Variants in SPAG9 observed in about 807,000 individuals in gnomAD.
SPAG9 encodes sperm associated antigen 9, also known as C-Jun-amino-terminal kinase-interacting protein 4.
In SPAG9, 35 loss-of-function variants were observed where a neutral mutation model predicts 166.5. The ratio of observed to expected loss-of-function variants is 0.21; its 90% confidence interval spans 0.16 to 0.28. The LOEUF is 0.28. Ranked by LOEUF, SPAG9 falls within the 10% of genes least tolerant of loss-of-function variation. The pLI, the probability that SPAG9 is intolerant of heterozygous loss-of-function variation, is 1.00. For synonymous variants in SPAG9, 534 were observed against 565.5 expected, an observed-to-expected ratio of 0.94 and a Z score of 0.79; for missense variants, 1,235 against 1,603.3, an observed-to-expected ratio of 0.77 and a Z score of 3.92.
At chr17:51,059,069 A>T (rs1215239316) in intron 2 of SPAG9, among the ~76,000 whole-genome samples, 2 of 152,230 alleles carry the variant, frequency 1.3e-5, no homozygotes, top group African/African-American at 4.8e-5. Context: ...GTGAATAAAC[A>T]AATTATTGCC....
intron 2 of SPAG9, among the ~76,000 whole-genome samples, chr17:51,076,108 A>T (rs1200043868): frequency 6.6e-6 from 1 of 151,904 alleles, no homozygotes; most frequent in South Asian, 2.1e-4. Flanking sequence ...AAAAAGGAAA[A>T]GAAAAAAGAA....
chr17:50,978,913 C>T (rs1485089633), intron 26 of SPAG9, among the ~76,000 whole-genome samples: 2 of 152,044 alleles, frequency 1.3e-5, no homozygotes, highest in Non-Finnish European at 2.9e-5. Flanking sequence ...ACTGGGGTGG[C>T]AACAGGGAGC....
intron 14 of SPAG9, 64 bp from the exon 15 acceptor site, chr17:50,998,681 A>G: frequency 1.3e-6 from 2 of 1,490,110 alleles, no homozygotes; most frequent in Non-Finnish European, 1.8e-6. Context: ...GATTTTCCAC[A>G]AACTTTAATG....
chr17:51,088,330 T>C (rs1233885767), intron 1 of SPAG9, among the ~76,000 whole-genome samples: 2 of 152,232 alleles, frequency 1.3e-5, no homozygotes, highest in Non-Finnish European at 2.9e-5. Flanking sequence ...ATAGGACTTA[T>C]TCTTAGATAA....
At chr17:51,004,290 T>C (rs2045098774) in intron 12 of SPAG9, among the ~76,000 whole-genome samples, 1 of 152,200 alleles carries the variant, frequency 6.6e-6, no homozygotes, top group South Asian at 2.1e-4. Context: ...TGTTAATTTA[T>C]TATGATTCAT....
At chr17:50,993,524 A>G (rs538849967) in intron 19 of SPAG9, among the ~76,000 whole-genome samples, 2 of 152,316 alleles carry the variant, frequency 1.3e-5, no homozygotes, top group East Asian at 3.9e-4. Context: ...TAATCCAAAC[A>G]GTCCTCTGGC....
chr17:51,002,006 G>A (rs1005990746), intron 12 of SPAG9, among the ~76,000 whole-genome samples, 161 bp from the exon 13 acceptor site: 3 of 151,812 alleles, frequency 2.0e-5, no homozygotes, highest in African/African-American at 7.3e-5. Context: ...AATCAACAAA[G>A]ACTTTTTTTT....
chr17:51,062,403 T>A (rs1225647285), intron 2 of SPAG9, among the ~76,000 whole-genome samples: 1 of 152,172 alleles, frequency 6.6e-6, no homozygotes, highest in Non-Finnish European at 1.5e-5. Context: ...TTCACTGCCT[T>A]AAAAATCCTG....
chr17:51,019,691 A>G (rs2045858423), intron 8 of SPAG9, among the ~76,000 whole-genome samples: 1 of 152,148 alleles, frequency 6.6e-6, no homozygotes, highest in South Asian at 2.1e-4. Flanking sequence ...CGTCTCTACT[A>G]AAAATACAAA....
At chr17:50,996,937 CGA>C (rs2044707856) in intron 15 of SPAG9, among the ~76,000 whole-genome samples, 1 of 152,112 alleles carries the variant, frequency 6.6e-6, no homozygotes, top group African/African-American at 2.4e-5. Context: ...GTCAGGAGTT[CGA>C]GAGCAGCCTG....
intron 4 of SPAG9, among the ~76,000 whole-genome samples, chr17:51,045,837 A>G (rs187258073): frequency 2.3e-3 from 344 of 152,322 alleles, no homozygotes; most frequent in African/African-American, 7.6e-3. Flanking sequence ...GATATTTGTC[A>G]CCCAAGACTA....
intron 5 of SPAG9, among the ~76,000 whole-genome samples, chr17:51,039,877 T>C (rs1019110859): frequency 1.3e-5 from 2 of 152,060 alleles, no homozygotes; most frequent in Admixed American, 1.3e-4. Flanking sequence ...GAGATGAGTG[T>C]TTTGGAAAAT....
At chr17:51,003,293 T>G (rs912538161) in intron 12 of SPAG9, among the ~76,000 whole-genome samples, 2 of 152,170 alleles carry the variant, frequency 1.3e-5, no homozygotes, top group African/African-American at 4.8e-5. Flanking sequence ...GTGCAGATTT[T>G]AAACTAAAAC....
rs777189742 is a variant in SPAG9 at position 51,041,603 on chromosome 17, A to G, written c.639T>C (p.Asp213=). The G allele has an allele frequency of 1.9e-6, 3 of 1,614,018 alleles. No individual in the cohort carries two copies. The highest frequency in any genetic ancestry group is 1.7e-5 in the Admixed American group (1 of 60,024). Residue 213 remains aspartate (D), a synonymous_variant, in exon 5 of 30, where the codon GAT becomes GAC. Transcript: ENST00000262013. Reference sequence around the variant, plus strand: ...TCTGAGCATCAGGTGTAAGCAATCCATCTCCAGCAGGTAATGGGAAAATTC... The same window carrying G: ...TCTGAGCATCAGGTGTAAGCAATCCGTCTCCAGCAGGTAATGGGAAAATTC... ...SLGIFPLPAG[D]GLLTPDAQKG...
At chr17:51,082,818 T>C (rs1411960211) in intron 1 of SPAG9, among the ~76,000 whole-genome samples, 1 of 152,138 alleles carries the variant, frequency 6.6e-6, no homozygotes, top group Non-Finnish European at 1.5e-5. Context: ...TTTGTTTTTG[T>C]TTTTTTGTCT....
At chr17:51,090,154 T>C (rs1164379591) in intron 1 of SPAG9, among the ~76,000 whole-genome samples, 1 of 152,090 alleles carries the variant, frequency 6.6e-6, no homozygotes, top group Non-Finnish European at 1.5e-5. Context: ...TTTGAGTCGA[T>C]GTAAAGGTAA....
rs552198685 is a variant in SPAG9 at position 51,118,903 on chromosome 17, C to T, written c.303+1451G>A. On this transcript the variant is annotated intron_variant, in intron 1 of 29. Transcript: ENST00000262013. Reference sequence around the variant, plus strand: ...TGTCTCTACAAAAAACAAAAATGAGCGGGGAGTGTTGTCCTAGCTCCTTAG... The same window carrying T: ...TGTCTCTACAAAAAACAAAAATGAGTGGGGAGTGTTGTCCTAGCTCCTTAG... Among the ~76,000 whole-genome samples the T allele has an allele frequency of 1.7e-4, 26 of 151,908 alleles. 1 individual carries two copies. Among genetic ancestry groups the T allele is most frequent in the Middle Eastern group, 6.8e-3 (2 of 294 alleles).
At chr17:51,027,386 G>A (rs2046224520) in intron 6 of SPAG9, among the ~76,000 whole-genome samples, 1 of 150,632 alleles carries the variant, frequency 6.6e-6, no homozygotes, top group African/African-American at 2.4e-5. Context: ...AGTGAGCCAA[G>A]ATCATACCAC....
chr17:51,081,541 C>T (rs916653511), intron 1 of SPAG9, among the ~76,000 whole-genome samples: 19 of 151,828 alleles, frequency 1.3e-4, no homozygotes, highest in African/African-American at 4.6e-4. Flanking sequence ...GTCAGGAGTT[C>T]GAGACCAGCC....
Sources: gnomAD v4.1 joint callset for allele counts (sites outside exome capture counted in the v4.1 genomes callset) on GRCh38, gnomAD v4.1.1 for gene constraint, MANE v1.5 for transcripts, NCBI Gene and HGNC (gene_info 2026-07-23, HGNC 2026-07-21) for gene names.